The following G3BP2 variants were observed in gnomAD, a reference collection of about 807,000 sequenced individuals.
G3BP2 encodes G3BP stress granule assembly factor 2, also known as ras GTPase-activating protein-binding protein 2.
A neutral mutation model predicts 56.7 loss-of-function variants in G3BP2; 11 were observed. The ratio of observed to expected loss-of-function variants is 0.19; its 90% confidence interval spans 0.12 to 0.32. G3BP2 has a LOEUF of 0.32. G3BP2 is among the 10% of genes least tolerant of loss of function. G3BP2 has a pLI of 1.00. For missense variants in G3BP2, 340 were observed against 610.9 expected (o/e 0.56, Z 4.67); for synonymous variants, 165 against 191.6 (o/e 0.86, Z 1.15).
chr4:75,687,578 A>G (rs1718664029), intron 3 of G3BP2, among the ~76,000 whole-genome samples: 2 of 152,212 alleles, frequency 1.3e-5, no homozygotes, highest in African/African-American at 4.8e-5. Context: ...AACCTGTAAA[A>G]CTGACGAATG....
At chr4:75,673,826 G>A, upstream of G3BP2, 1 of 264,528 alleles carries the variant, frequency 3.8e-6, no homozygotes, top group Non-Finnish European at 6.9e-6. Context: ...TCTGCAGGTT[G>A]CTGCTGTAGA....
chr4:75,713,851 C>T (rs953972891), intron 3 of G3BP2, among the ~76,000 whole-genome samples: 1 of 152,160 alleles, frequency 6.6e-6, no homozygotes, highest in Non-Finnish European at 1.5e-5. Context: ...ATGTCATATA[C>T]TTTCTGAGAG....
intron 3 of G3BP2, among the ~76,000 whole-genome samples, chr4:75,658,596 G>A (rs1172048501): frequency 6.6e-6 from 1 of 151,902 alleles, no homozygotes; most frequent in Non-Finnish European, 1.5e-5. Context: ...GTGTGGTGGT[G>A]CATGCCTGTA....
At chr4:75,664,646 G>A (rs555829666) in intron 1 of G3BP2, among the ~76,000 whole-genome samples, 4 of 152,078 alleles carry the variant, frequency 2.6e-5, no homozygotes, top group African/African-American at 4.8e-5. Context: ...TCAGGAGTTC[G>A]AGACCAGCCT....
intron 3 of G3BP2, among the ~76,000 whole-genome samples, chr4:75,708,959 A>G (rs1560422271): frequency 6.6e-6 from 1 of 152,046 alleles, no homozygotes; most frequent in East Asian, 1.9e-4. Context: ...AAATACAAAA[A>G]AATAGCCAGG....
At chr4:75,655,988 C>A (rs960823619) in intron 5 of G3BP2, 118 bp from the exon 6 acceptor site, 42 of 555,016 alleles carry the variant, frequency 7.6e-5, no homozygotes, top group African/African-American at 6.4e-4. Context: ...TGACAATTTT[C>A]TTTCCTTTTT....
chr4:75,665,656 AACACACACACACACAC>A (rs368331407), intron 1 of G3BP2, among the ~76,000 whole-genome samples: 2 of 73,104 alleles, frequency 2.7e-5, no homozygotes, highest in African/African-American at 5.3e-5. Context: ...CACACAAACA[AACACACACACACACAC>A]ACACACACAC....
At chr4:75,676,336 ATTTTTTT>A (rs34017434), upstream of G3BP2, among the ~76,000 whole-genome samples, 13 of 92,078 alleles carry the variant, frequency 1.4e-4, no homozygotes, top group Admixed American at 4.0e-4. Flanking sequence ...ATTGCCAATA[ATTTTTTT>A]TTTTTTTTTT....
Position 75,667,161 on chromosome 4 carries a change from C to T in G3BP2, c.-24-5112G>A, listed in dbSNP as rs180741034. Among the ~76,000 whole-genome samples the T allele has an allele frequency of 5.7e-3, 859 of 152,004 alleles. 1 individual carries two copies. Among genetic ancestry groups the T allele is most frequent in the Non-Finnish European group, 9.6e-3 (654 of 67,978 alleles). ...AAAATTAGCGGGGCGTGGTAGTGTG[C>T]AAGCGTAGCTCCAGCTACTCGGGAA... is the stretch of plus-strand genomic sequence containing the variant. On this transcript the variant is annotated intron_variant, in intron 1 of 11. Transcript: ENST00000359707.
intron 3 of G3BP2, among the ~76,000 whole-genome samples, chr4:75,715,274 G>A (rs2149114125): frequency 6.7e-6 from 1 of 149,962 alleles, no homozygotes; most frequent in East Asian, 2.0e-4. Flanking sequence ...CAGTATTCTG[G>A]TATACTGAGC....
chr4:75,666,901 A>C (rs1017396508), intron 1 of G3BP2, among the ~76,000 whole-genome samples: 8 of 152,236 alleles, frequency 5.3e-5, no homozygotes, highest in African/African-American at 1.9e-4. Context: ...ATGGCCATGA[A>C]AAACTCATGA....
At chr4:75,655,739 A>C in intron 6 of G3BP2, 29 bp downstream of exon 6, 2 of 1,228,318 alleles carry the variant, frequency 1.6e-6, no homozygotes, top group Non-Finnish European at 2.4e-6. Flanking sequence ...AGTTCAGACC[A>C]AATTTAACCT....
At position 75,654,049 on chromosome 4, in the gene G3BP2, G is replaced by A; in HGVS notation, c.759C>T (p.Asn253=). ...AFSWASVTSK[N]LPPSGTVSSS... is the part of the protein sequence containing the mutation. ...AAGAAACAGTACCACTAGGAGGCAG[G>A]TTTTTACTGGTCACTGAAGCCCAGG... Residue 253 remains asparagine, a synonymous_variant, in exon 8 of 12, where the codon AAC becomes AAT. Transcript: ENST00000359707. 1 of 1,588,376 alleles carries A rather than the reference G, an allele frequency of 6.3e-7. No individual in the cohort carries two copies. Among genetic ancestry groups the A allele is most frequent in the Non-Finnish European group, 8.6e-7 (1 of 1,156,800 alleles).
At chr4:75,710,500 GT>G (rs963345514) in intron 3 of G3BP2, among the ~76,000 whole-genome samples, 4 of 152,150 alleles carry the variant, frequency 2.6e-5, no homozygotes, top group Non-Finnish European at 5.9e-5. Context: ...AACAATAGGG[GT>G]TTGAACTTTC....
chr4:75,667,078 G>A (rs562689496), intron 1 of G3BP2, among the ~76,000 whole-genome samples: 1 of 152,070 alleles, frequency 6.6e-6, no homozygotes, highest in Non-Finnish European at 1.5e-5. Flanking sequence ...CTTGAGCTCA[G>A]GTGTTTGAGA....
At chr4:75,698,289 A>G (rs1719205287) in intron 3 of G3BP2, among the ~76,000 whole-genome samples, 1 of 152,162 alleles carries the variant, frequency 6.6e-6, no homozygotes, top group South Asian at 2.1e-4. Flanking sequence ...TAATGACATC[A>G]TGTTGGTGGC....
chr4:75,651,899 T>C (rs1404232624), intron 8 of G3BP2, among the ~76,000 whole-genome samples: 2 of 152,246 alleles, frequency 1.3e-5, no homozygotes, highest in African/African-American at 4.8e-5. Flanking sequence ...AGAAATTAAC[T>C]TACCTACTTC....
chr4:75,675,076 G>A (rs1733816148), upstream of G3BP2, among the ~76,000 whole-genome samples: 1 of 151,996 alleles, frequency 6.6e-6, no homozygotes, highest in African/African-American at 2.4e-5. Context: ...GCTTGGAGAG[G>A]TCAAGTAACT....
intron 2 of G3BP2, 116 bp from the exon 3 acceptor site, chr4:75,659,040 T>C (rs1455900122): frequency 1.3e-6 from 1 of 793,486 alleles, no homozygotes; most frequent in Non-Finnish European, 2.2e-6. Context: ...AGTTGCGTGA[T>C]CTTGGACAGG....
Sources: allele counts gnomAD v4.1 joint callset (sites outside exome capture counted in the v4.1 genomes callset), GRCh38; gene constraint gnomAD v4.1.1; transcripts MANE v1.5; gene names NCBI Gene and HGNC (gene_info 2026-07-23, HGNC 2026-07-21).